The following PCDHGA9 variants were observed in gnomAD, a reference collection of about 807,000 sequenced individuals.
PCDHGA9 encodes protocadherin gamma subfamily A, 9, also known as protocadherin gamma-A9.
Under a neutral mutation model 62.5 loss-of-function variants are expected in PCDHGA9, and 37 were observed. The observed-to-expected ratio is 0.59, with a 90% confidence interval of 0.46 to 0.78. PCDHGA9 has a LOEUF of 0.78. Among genes scored for constraint, PCDHGA9 ranks in the 30% least tolerant of loss-of-function variants. The probability of loss-of-function intolerance (pLI) is 0.00; values close to 1 mark genes in which losing one functional copy is unlikely to be tolerated. For synonymous variants in PCDHGA9, 459 were observed against 484.6 expected (o/e 0.95, Z 0.69); for missense variants, 1,138 against 1,166.2 (o/e 0.98, Z 0.35).
intron 2 of PCDHGA9, 99 bp from the exon 3 acceptor site, chr5:141,505,294 G>T: frequency 6.4e-7 from 1 of 1,572,086 alleles, no homozygotes; most frequent in Non-Finnish European, 8.6e-7. Context: ...GCATGGGGTA[G>T]GGTTAGGGTA....
intron 1 of PCDHGA9, chr5:141,414,260 A>G: frequency 6.2e-7 from 1 of 1,613,444 alleles, no homozygotes; most frequent in Non-Finnish European, 8.5e-7. Context: ...CCAGTGACTG[A>G]AGATTCACCT....
intron 1 of PCDHGA9, among the ~76,000 whole-genome samples, chr5:141,445,078 G>T (rs1591839605): frequency 6.6e-6 from 1 of 152,208 alleles, no homozygotes; most frequent in East Asian, 1.9e-4. Flanking sequence ...TCATTAAATT[G>T]TCCCTACATA....
chr5:141,501,326 CA>C (rs1562200763), intron 2 of PCDHGA9, among the ~76,000 whole-genome samples: 18 of 151,784 alleles, frequency 1.2e-4, no homozygotes, highest in African/African-American at 1.9e-4. Flanking sequence ...CACACACACA[CA>C]CACACACCCC....
chr5:141,408,796 A>G (rs2154540634), intron 1 of PCDHGA9: 1 of 1,612,808 alleles, frequency 6.2e-7, no homozygotes, highest in Non-Finnish European at 8.5e-7. Context: ...CTCTGGAGAA[A>G]CTCCTAGACC....
Position 141,491,897 on chromosome 5 carries a change from C to G in PCDHGA9, c.2425-2910C>G. The stretch of plus-strand genomic sequence containing the variant: ...GATTAAGGGATGGGGCTCCGAGCAC[C>G]GGGGGTGGTGGCGACTGTGGGCGAG... On this transcript the variant is annotated intron_variant, in intron 1 of 3. Transcript: ENST00000573521. This position sits in a 1 kb window ranked among gnomAD's most constrained non-coding sequence, Gnocchi z 6.9. 7 of 1,432,534 alleles carry G rather than the reference C, an allele frequency of 4.9e-6. No homozygotes were observed. The highest frequency in any genetic ancestry group is 6.5e-6 in the Non-Finnish European group (7 of 1,082,898). 88.7% of individuals were successfully genotyped at this position (1,432,534 alleles called of 1,614,324 possible).
At chr5:141,457,784 T>G (rs1021614051) in intron 1 of PCDHGA9, among the ~76,000 whole-genome samples, 1 of 152,210 alleles carries the variant, frequency 6.6e-6, no homozygotes, top group Non-Finnish European at 1.5e-5. Flanking sequence ...TACCTGTGAG[T>G]TGGGTTATCC....
intron 1 of PCDHGA9, among the ~76,000 whole-genome samples, chr5:141,452,054 C>A (rs578157525): frequency 6.4e-4 from 97 of 152,196 alleles, no homozygotes; most frequent in African/African-American, 2.2e-3. Flanking sequence ...TTTGTAATAA[C>A]TTATTCTACT....
intron 3 of PCDHGA9, among the ~76,000 whole-genome samples, chr5:141,506,799 A>G (rs1026030023): frequency 5.3e-5 from 8 of 152,198 alleles, no homozygotes; most frequent in Admixed American, 3.9e-4. Flanking sequence ...CTGGCAGAGG[A>G]TCAAGGCATT....
chr5:141,503,372 G>A (rs1275544964), intron 2 of PCDHGA9, among the ~76,000 whole-genome samples: 1 of 151,968 alleles, frequency 6.6e-6, no homozygotes, highest in Non-Finnish European at 1.5e-5. Context: ...GGAGGCAGGT[G>A]GATCATGAGG....
chr5:141,501,311 AC>A (rs2099807696), intron 2 of PCDHGA9, among the ~76,000 whole-genome samples: 1 of 151,670 alleles, frequency 6.6e-6, no homozygotes, highest in Non-Finnish European at 1.5e-5. Context: ...ACACACACAC[AC>A]ACACACACAC....
At chr5:141,478,165 C>T (rs780594020) in intron 1 of PCDHGA9, 18 of 1,613,920 alleles carry the variant, frequency 1.1e-5, no homozygotes, top group Non-Finnish European at 1.5e-5. Context: ...GCTCTGCCCC[C>T]CGGGAGCAGA....
intron 1 of PCDHGA9, chr5:141,410,592 T>C: frequency 1.2e-6 from 2 of 1,609,264 alleles, no homozygotes; most frequent in Non-Finnish European, 1.7e-6. Context: ...GGGGAGGATT[T>C]GACTTCACAT....
At chr5:141,424,959 C>A (rs1561817087) in intron 1 of PCDHGA9, among the ~76,000 whole-genome samples, 4 of 152,152 alleles carry the variant, frequency 2.6e-5, no homozygotes, top group Non-Finnish European at 5.9e-5. Flanking sequence ...TAGGTATTTG[C>A]CCCAAATTAC....
At chr5:141,436,331 T>A (rs919524287) in intron 1 of PCDHGA9, among the ~76,000 whole-genome samples, 1 of 152,198 alleles carries the variant, frequency 6.6e-6, no homozygotes, top group Non-Finnish European at 1.5e-5. Flanking sequence ...TTAGACCATA[T>A]CTCAAATATC....
intron 2 of PCDHGA9, among the ~76,000 whole-genome samples, chr5:141,497,920 C>T (rs548251626): frequency 6.6e-6 from 1 of 152,336 alleles, no homozygotes; most frequent in East Asian, 1.9e-4. Flanking sequence ...CTCCTTCATT[C>T]ATTCAACAAA....
In PCDHGA9 at chr5:141,419,316, G is replaced by A. The variant is rs775328616; in HGVS notation, c.2424+13940G>A. 1.1e-5 allele frequency: 18 copies of A among 1,613,994 alleles called. No individual in the cohort carries two copies. In the South Asian group the frequency reaches 1.8e-4, roughly 16 times the overall value. On this transcript the variant is annotated intron_variant, in intron 1 of 3. Coordinates refer to ENST00000573521, the MANE Select transcript of PCDHGA9 (RefSeq NM_018921.3). ...GACCCAGACTTCGGGCTCAACGGCC[G>A]TGTCTCCTACTCTCTCATTGCCAGC...
rs760572189 is a variant in PCDHGA9 at position 141,477,159 on chromosome 5, A to G, written c.2425-17648A>G. ...GTGGAGGTTGTGGATGTGAATGACA[A>G]CGCCCCGGAGATCACAGTCACCTCC... is the stretch of plus-strand genomic sequence containing the variant. On this transcript the variant is annotated intron_variant, in intron 1 of 3. Transcript: ENST00000573521. The surrounding 1 kb of genome is among the most constrained non-coding windows in gnomAD (Gnocchi z 4.9). The G allele has an allele frequency of 1.7e-5, 28 of 1,613,854 alleles. No individual in the cohort carries two copies. In the South Asian group the frequency reaches 3.1e-4, roughly 18 times the overall value.
rs2099417434 is a variant in PCDHGA9, at chr5:141,477,762, C to T, written c.2425-17045C>T. 1 of 1,613,968 alleles carries T rather than the reference C, an allele frequency of 6.2e-7. No homozygotes were observed. The highest frequency in any genetic ancestry group is 8.5e-7 in the Non-Finnish European group (1 of 1,180,032). On this transcript the variant is annotated intron_variant, in intron 1 of 3. Transcript: ENST00000573521. This position sits in a 1 kb window ranked among gnomAD's most constrained non-coding sequence, Gnocchi z 4.9. ...GATGGGGGCACCCCGGTCCTAGCCA[C>T]CAACATCAGCGTGAACATATTTGTC...
chr5:141,478,514 G>A, intron 1 of PCDHGA9: 2 of 1,611,534 alleles, frequency 1.2e-6, no homozygotes, highest in Non-Finnish European at 1.7e-6. Context: ...CTATAGGCAG[G>A]TGTTGGGTGC....
Sources: gnomAD v4.1 joint callset for allele counts (sites outside exome capture counted in the v4.1 genomes callset) on GRCh38, gnomAD v4.1.1 for gene constraint, Gnocchi (gnomAD v3.1) non-coding constraint, MANE v1.5 for transcripts, NCBI Gene and HGNC (gene_info 2026-07-23, HGNC 2026-07-21) for gene names.